Variants in LNX1 observed in about 807,000 individuals in gnomAD.
LNX1 encodes E3 ubiquitin-protein ligase LNX.
In LNX1, 54 loss-of-function variants were observed where a neutral mutation model predicts 68.4. The ratio of observed to expected loss-of-function variants is 0.79; its 90% CI spans 0.63 to 0.99. The LOEUF is 0.99. Among genes scored for constraint, LNX1 ranks in the 50% least tolerant of loss-of-function variants. LNX1 has a pLI of 0.00. For missense variants in LNX1, 906 were observed against 926.4 expected (o/e 0.98, Z 0.29); for synonymous variants, 336 against 350.0 (o/e 0.96, Z 0.45).
intron 2 of LNX1, among the ~76,000 whole-genome samples, chr4:53,568,050 C>T (rs1258656150): frequency 2.0e-5 from 3 of 152,134 alleles, no homozygotes; most frequent in Admixed American, 1.3e-4. Context: ...GATTCACAGC[C>T]GAATTCTACC....
At chr4:53,471,967 C>T (rs1723220522) in intron 9 of LNX1, among the ~76,000 whole-genome samples, 1 of 152,296 alleles carries the variant, frequency 6.6e-6, no homozygotes, top group African/African-American at 2.4e-5. Context: ...TACCATTTGA[C>T]CCAGCCATCC....
intron 1 of LNX1, among the ~76,000 whole-genome samples, chr4:53,646,481 A>C (rs915954585): frequency 6.6e-6 from 1 of 152,206 alleles, no homozygotes; most frequent in African/African-American, 2.4e-5. Flanking sequence ...GGTTATTATC[A>C]GTCTCACCTC....
At chr4:53,485,383 A>G (rs1373022746) in intron 6 of LNX1, among the ~76,000 whole-genome samples, 1 of 152,240 alleles carries the variant, frequency 6.6e-6, no homozygotes, top group Non-Finnish European at 1.5e-5. Context: ...AGAAAATTTT[A>G]GACTTGCACA....
At chr4:53,527,696 G>GT (rs1389785358) in intron 2 of LNX1, among the ~76,000 whole-genome samples, 2 of 152,302 alleles carry the variant, frequency 1.3e-5, no homozygotes, top group African/African-American at 4.8e-5. Context: ...TGGATTGGTG[G>GT]TAAAGCTCAT....
chr4:53,630,806 A>G (rs557270440), intron 1 of LNX1, among the ~76,000 whole-genome samples: 1 of 152,312 alleles, frequency 6.6e-6, no homozygotes, highest in South Asian at 2.1e-4. Flanking sequence ...TTCCTCTAGG[A>G]GCAATGATTC....
upstream of LNX1, among the ~76,000 whole-genome samples, chr4:53,622,211 G>A (rs1359566904): frequency 1.1e-4 from 17 of 152,130 alleles, no homozygotes; most frequent in Admixed American, 7.9e-4. Flanking sequence ...AAAGATGTAC[G>A]TATGTCATAT....
intron 2 of LNX1, among the ~76,000 whole-genome samples, chr4:53,536,438 T>G (rs1276685599): frequency 6.6e-6 from 1 of 152,192 alleles, no homozygotes; most frequent in Non-Finnish European, 1.5e-5. Flanking sequence ...TATCTAGGAA[T>G]GGTGCCTAGA....
chr4:53,641,109 C>T lies in LNX1; in HGVS notation c.-215+11059G>A, dbSNP rs1335013816. Among the ~76,000 whole-genome samples, 5 of 150,706 alleles carry T rather than the reference C, an allele frequency of 3.3e-5. No individual in the cohort carries two copies. In the South Asian group the frequency reaches 6.3e-4, roughly 19 times the overall value. ...TGCTTGTGTGTGTGCATTTTATTTCCTCAATGAACACTGGAATGTGGCATG... is the reference window on the plus strand; with the variant it reads ...TGCTTGTGTGTGTGCATTTTATTTCTTCAATGAACACTGGAATGTGGCATG... On this transcript the variant is annotated intron_variant, in intron 1 of 2. Transcript: ENST00000507168.
intron 9 of LNX1, among the ~76,000 whole-genome samples, chr4:53,473,465 G>A (rs1005332716): frequency 6.6e-6 from 1 of 152,204 alleles, no homozygotes; most frequent in African/African-American, 2.4e-5. Context: ...GGAATACGAT[G>A]CAGTCATAAA....
intron 2 of LNX1, among the ~76,000 whole-genome samples, chr4:53,546,063 T>A (rs1012423990): frequency 3.3e-5 from 5 of 151,632 alleles, no homozygotes; most frequent in African/African-American, 1.2e-4. Flanking sequence ...CACCTCAGCC[T>A]CCCAAAGTAC....
chr4:53,565,614 G>A (rs1480519705), intron 2 of LNX1, among the ~76,000 whole-genome samples: 3 of 152,210 alleles, frequency 2.0e-5, no homozygotes, highest in African/African-American at 7.2e-5. Flanking sequence ...AAGGAACGCA[G>A]CTCCTCACCA....
In LNX1 at chr4:53,461,053, AAAC is replaced by A. The variant is rs1179372040; in HGVS notation, c.2052-14_2052-12del. On this transcript the variant is annotated splice_polypyrimidine_tract_variant and intron_variant, in intron 10 of 10. Coordinates refer to ENST00000263925, the MANE Select transcript of LNX1 (RefSeq NM_001126328.3). ...AGAATATCACCACATCTAAAAAAAA[AAAC>A]AAAACAAGATATGATTAGTATTTTA... The A allele has an allele frequency of 5.2e-6, 8 of 1,550,400 alleles. No homozygotes were observed. Among genetic ancestry groups the A allele is most frequent in the South Asian group, 1.2e-5 (1 of 81,102 alleles).
intron 9 of LNX1, among the ~76,000 whole-genome samples, chr4:53,476,038 T>C (rs1486713349): frequency 6.6e-6 from 1 of 152,204 alleles, no homozygotes; most frequent in Non-Finnish European, 1.5e-5. Flanking sequence ...GGCTCACACC[T>C]GTAATCCCAG....
intron 2 of LNX1, among the ~76,000 whole-genome samples, chr4:53,509,502 T>G (rs1364553098): frequency 6.6e-6 from 1 of 152,156 alleles, no homozygotes; most frequent in East Asian, 1.9e-4. Flanking sequence ...TGCTCTGAAA[T>G]TTACATAGCT....
Position 53,461,609 on chromosome 4 carries a change from A to C in LNX1, c.1893-16T>G, listed in dbSNP as rs778988966. 6.3e-7 allele frequency: 1 copy of C among 1,593,496 alleles called. No individual in the cohort carries two copies. Among genetic ancestry groups the C allele is most frequent in the East Asian group, 2.2e-5 (1 of 44,718 alleles). Reference sequence around the variant, plus strand: ...ATACAAGCACCTGAAATAGAATGTAATCAGTGTACATGCATATTTAAGTTT... The same window carrying C: ...ATACAAGCACCTGAAATAGAATGTACTCAGTGTACATGCATATTTAAGTTT... On this transcript the variant is annotated splice_polypyrimidine_tract_variant and intron_variant, in intron 9 of 10. Coordinates refer to ENST00000263925, the MANE Select transcript of LNX1 (RefSeq NM_001126328.3).
At chr4:53,464,580 G>A (rs778576262) in intron 9 of LNX1, among the ~76,000 whole-genome samples, 1 of 126,676 alleles carries the variant, frequency 7.9e-6, no homozygotes, top group Non-Finnish European at 1.7e-5. Flanking sequence ...GAGAAATGCC[G>A]AGTCCCCATA....
chr4:53,504,879 T>C (rs1361086118), intron 4 of LNX1, among the ~76,000 whole-genome samples: 1 of 152,148 alleles, frequency 6.6e-6, no homozygotes, highest in East Asian at 1.9e-4. Flanking sequence ...GCATGGCTCG[T>C]GGCACGCTAA....
At chr4:53,487,273 C>T (rs1242384510) in intron 6 of LNX1, among the ~76,000 whole-genome samples, 1 of 152,216 alleles carries the variant, frequency 6.6e-6, no homozygotes, top group Non-Finnish European at 1.5e-5. Flanking sequence ...TGAAAACGTA[C>T]AGGGGGAGTA....
chr4:53,460,670 T>TAAAC lies in LNX1; in HGVS notation c.*233_*236dup, dbSNP rs894524144. ...GGCTTTTTATTGAATAGAAAAAATA[T>TAAAC]AAACAATGTTGTAGAGTAATGAGAA... On this transcript the variant is annotated 3_prime_UTR_variant, in exon 11 of 11. Transcript: ENST00000263925. 287 of 404,216 alleles carry TAAAC rather than the reference T, an allele frequency of 7.1e-4. 1 individual carries two copies. Among genetic ancestry groups the TAAAC allele is most frequent in the South Asian group, 3.9e-3 (93 of 23,552 alleles). The allele number at this position is 404,216 out of a possible 1,614,324, so 25.0% of individuals were successfully genotyped here.
Sources: allele counts gnomAD v4.1 joint callset (sites outside exome capture counted in the v4.1 genomes callset), GRCh38; gene constraint gnomAD v4.1.1; transcripts MANE v1.5; gene names NCBI Gene and HGNC (gene_info 2026-07-23, HGNC 2026-07-21).